Variants in STARD13 observed in about 807,000 individuals in gnomAD.
The protein encoded by STARD13 is stAR-related lipid transfer protein 13.
A neutral mutation model predicts 106.4 loss-of-function variants in STARD13; 62 were observed. The ratio of observed to expected loss-of-function variants is 0.58; its 90% CI spans 0.48 to 0.72. STARD13 has a LOEUF of 0.72. Ranked by LOEUF, STARD13 falls within the 30% of genes least tolerant of loss-of-function variation. The pLI is 0.00. For missense variants in STARD13, 1,387 were observed against 1,424.0 expected (o/e 0.97, Z 0.42); for synonymous variants, 565 against 553.0 (o/e 1.02, Z -0.31).
At chr13:33,622,448 G>A in the STARD13 span, among the ~76,000 whole-genome samples, 11 of 151,764 alleles carry the variant, frequency 7.2e-5, no homozygotes, top group African/African-American at 2.7e-4. Context: ...GACCAGCCTG[G>A]CCAACATGTC....
rs937061630 is a variant in STARD13 at position 33,235,549 on chromosome 13, T to C, written c.169+49921A>G. Among the ~76,000 whole-genome samples, 5 of 152,240 alleles carry C rather than the reference T, an allele frequency of 3.3e-5. No homozygotes were observed. In the East Asian group the frequency reaches 9.6e-4, roughly 29 times the overall value. Reference sequence around the variant, plus strand: ...TAAGTTGTTAGGACATAAATACTTCTCCAGGTGTTTCGGTCTATGTACTTA... The same window carrying C: ...TAAGTTGTTAGGACATAAATACTTCCCCAGGTGTTTCGGTCTATGTACTTA... On this transcript the variant is annotated intron_variant, in intron 1 of 13. Transcript: ENST00000336934.
At chr13:33,421,326 A>G in the STARD13 span, among the ~76,000 whole-genome samples, 1 of 152,228 alleles carries the variant, frequency 6.6e-6, no homozygotes, top group African/African-American at 2.4e-5. Flanking sequence ...ACCTCTACAT[A>G]AATAAACTAG....
the STARD13 span, among the ~76,000 whole-genome samples, chr13:33,411,970 A>G: frequency 6.6e-6 from 1 of 152,238 alleles, no homozygotes; most frequent in Non-Finnish European, 1.5e-5. Context: ...ACTAAAGGAA[A>G]TTCTCTAAAC....
the STARD13 span, among the ~76,000 whole-genome samples, chr13:33,403,739 A>G: frequency 6.6e-6 from 1 of 152,252 alleles, no homozygotes; most frequent in African/African-American, 2.4e-5. Flanking sequence ...ATAAATCTGC[A>G]GTCCATTTGG....
the STARD13 span, among the ~76,000 whole-genome samples, chr13:33,372,044 C>A: frequency 1.1e-4 from 16 of 152,276 alleles, no homozygotes; most frequent in African/African-American, 3.4e-4. Flanking sequence ...CATGTGTAAC[C>A]CCTTTTAATG....
At chr13:33,161,555 T>C (rs1882626896) in intron 3 of STARD13, among the ~76,000 whole-genome samples, 1 of 152,126 alleles carries the variant, frequency 6.6e-6, no homozygotes, top group Admixed American at 6.5e-5. Context: ...GCCCAAGACA[T>C]CCACCCACCT....
chr13:33,653,817 T>C, the STARD13 span, among the ~76,000 whole-genome samples: 1 of 152,164 alleles, frequency 6.6e-6, no homozygotes, highest in Non-Finnish European at 1.5e-5. Context: ...CAAAGATCTC[T>C]TACAACTCTA....
At chr13:33,458,747 T>C in the STARD13 span, among the ~76,000 whole-genome samples, 1 of 151,910 alleles carries the variant, frequency 6.6e-6, no homozygotes, top group African/African-American at 2.4e-5. Context: ...GACAAATGTG[T>C]CCGGATTTCA....
rs913275160 is a variant in STARD13 at position 33,285,744 on chromosome 13, C to G, written c.-106G>C. ...CCCAGCCCAGGACAGCTCAACAGAC[C>G]CAGCGATTTTTAAAAAGAAAGAGGA... On this transcript the variant is annotated 5_prime_UTR_variant, in exon 1 of 14. Coordinates refer to ENST00000336934, the MANE Select transcript of STARD13 (RefSeq NM_178006.4). 1.3e-5 allele frequency: 19 copies of G among 1,496,258 alleles called. No individual in the cohort carries two copies. Among genetic ancestry groups the G allele is most frequent in the South Asian group, 6.9e-5 (5 of 72,028 alleles). 92.7% of individuals were successfully genotyped at this position (1,496,258 alleles called of 1,614,324 possible). A position where few individuals can be genotyped will look rare whatever the true frequency, so the allele number is the denominator to read the frequency against.
At chr13:33,474,009 ATTGT>A in the STARD13 span, among the ~76,000 whole-genome samples, 2 of 152,068 alleles carry the variant, frequency 1.3e-5, no homozygotes, top group East Asian at 1.9e-4. Flanking sequence ...CATTTTGGTG[ATTGT>A]TTGTTTTTAT....
chr13:33,430,286 A>G, the STARD13 span, among the ~76,000 whole-genome samples: 1,077 of 152,296 alleles, frequency 7.1e-3, 9 homozygotes, highest in African/African-American at 0.024. Flanking sequence ...GAGGGGATGG[A>G]TACCCCATTC....
At chr13:33,166,435 C>T (rs771061232) in intron 2 of STARD13, among the ~76,000 whole-genome samples, 4 of 152,074 alleles carry the variant, frequency 2.6e-5, no homozygotes, top group Non-Finnish European at 1.5e-5. Flanking sequence ...CCTTTGGGCT[C>T]ATGGTAGTGA....
chr13:33,298,028 G>T (rs1236048298), intron 1 of STARD13, among the ~76,000 whole-genome samples: 1 of 151,348 alleles, frequency 6.6e-6, no homozygotes, highest in African/African-American at 2.4e-5. Context: ...ATTACATGAT[G>T]TGTCCTGTAC....
At chr13:33,561,263 A>G in the STARD13 span, among the ~76,000 whole-genome samples, 30 of 151,572 alleles carry the variant, frequency 2.0e-4, no homozygotes, top group African/African-American at 7.1e-4. Flanking sequence ...ACACAAGTCT[A>G]TAGGATTTAT....
chr13:33,596,871 C>CT, the STARD13 span, among the ~76,000 whole-genome samples: 1 of 152,150 alleles, frequency 6.6e-6, no homozygotes, highest in African/African-American at 2.4e-5. Flanking sequence ...AGATTTCATT[C>CT]TTTTTTTGTG....
intron 1 of STARD13, among the ~76,000 whole-genome samples, chr13:33,247,911 C>T (rs1363345699): frequency 6.6e-6 from 1 of 152,146 alleles, no homozygotes; most frequent in African/African-American, 2.4e-5. Flanking sequence ...TTCTGACGTG[C>T]TAACAAGGTT....
chr13:33,493,098 G>A, the STARD13 span, among the ~76,000 whole-genome samples: 3 of 152,142 alleles, frequency 2.0e-5, no homozygotes, highest in Admixed American at 6.5e-5. Flanking sequence ...GGAGATGTAC[G>A]GACTTCCAAG....
chr13:33,632,942 G>A, the STARD13 span, among the ~76,000 whole-genome samples: 1 of 151,732 alleles, frequency 6.6e-6, no homozygotes, highest in African/African-American at 2.4e-5. Context: ...AATAAACATA[G>A]CATTAATGCT....
chr13:33,656,212 T>C, the STARD13 span, among the ~76,000 whole-genome samples: 1 of 152,362 alleles, frequency 6.6e-6, no homozygotes, highest in African/African-American at 2.4e-5. Flanking sequence ...CTCTGTTCTA[T>C]ACCCCGTGCT....
Sources: allele counts gnomAD v4.1 joint callset (sites outside exome capture counted in the v4.1 genomes callset), GRCh38; gene constraint gnomAD v4.1.1; transcripts MANE v1.5; gene names NCBI Gene and HGNC (gene_info 2026-07-23, HGNC 2026-07-21).